Variants in ASPSCR1 observed in about 807,000 individuals in gnomAD.
ASPSCR1 encodes the protein ASPSCR1 tether for SLC2A4, UBX domain containing.
A neutral mutation model predicts 68.9 loss-of-function variants in ASPSCR1; 55 were observed. That is an observed-to-expected ratio of 0.80 (90% CI 0.64 to 1.00). The LOEUF (loss-of-function observed/expected upper bound fraction) is 1.00, where lower values mean the gene tolerates loss of function less well. ASPSCR1 is among the 50% of genes least tolerant of loss of function. The pLI is 0.00. For missense variants in ASPSCR1, 765 were observed against 762.2 expected, an observed-to-expected ratio of 1.00 and a Z score of -0.04; for synonymous variants, 352 against 332.6, an observed-to-expected ratio of 1.06 and a Z score of -0.63.
At chr17:82,009,372 G>C (rs1234521761) in intron 8 of ASPSCR1, 114 bp from the exon 9 acceptor site, 1 of 1,361,938 alleles carries the variant, frequency 7.3e-7, no homozygotes, top group Non-Finnish European at 9.9e-7. Flanking sequence ...TTCCTGCCTT[G>C]TGTGGGGAGA....
Position 82,010,877 on chromosome 17 carries a change from C to T in ASPSCR1, c.1237+9C>T, listed in dbSNP as rs759528295. 1.3e-4 allele frequency: 216 copies of T among 1,611,234 alleles called. 1 individual carries two copies. The South Asian group carries it at 2.1e-3, about 16-fold the overall frequency. ...CCGCCCCAGCGAGACAGGTGGGCAG[C>T]GCTGTGGGGTGTCCGGGGATGGGGG... On this transcript the variant is annotated intron_variant, in intron 10 of 15. Coordinates refer to ENST00000306739, the MANE Select transcript of ASPSCR1 (RefSeq NM_024083.4).
chr17:81,991,717 G>T (rs373021309), intron 4 of ASPSCR1, among the ~76,000 whole-genome samples: 1 of 152,242 alleles, frequency 6.6e-6, no homozygotes, highest in African/African-American at 2.4e-5. Context: ...GGGCTGTCAT[G>T]TGGTGGGTGA....
rs1307898119 is a variant in ASPSCR1 at position 81,990,255 on chromosome 17, G to T, written c.375-4566G>T. 6.6e-6 allele frequency among the ~76,000 whole-genome samples: 1 copy of T among 152,198 alleles called. No individual in the cohort carries two copies. Among genetic ancestry groups the T allele is most frequent in the Non-Finnish European group, 1.5e-5 (1 of 68,032 alleles). ...AGAGTCCTTGAGACCTGCATGTATG[G>T]TGCACTTGGAGCATCTCGGTCTGGG... On this transcript the variant is annotated intron_variant, in intron 4 of 15. Coordinates refer to ENST00000306739, the MANE Select transcript of ASPSCR1 (RefSeq NM_024083.4). This position sits in a 1 kb window ranked among gnomAD's most constrained non-coding sequence, Gnocchi z 4.1.
intron 7 of ASPSCR1, among the ~76,000 whole-genome samples, chr17:82,000,405 G>A (rs947066725): frequency 6.6e-6 from 1 of 152,198 alleles, no homozygotes; most frequent in Admixed American, 6.5e-5. Context: ...TCTGGGACTT[G>A]GGCAGCTGAT....
intron 7 of ASPSCR1, chr17:82,007,761 C>T (rs922715539): frequency 6.6e-5 from 10 of 152,260 alleles, no homozygotes; most frequent in Admixed American, 2.0e-4. Flanking sequence ...GTCTCTCCCC[C>T]GGGAACCCAG....
intron 4 of ASPSCR1, among the ~76,000 whole-genome samples, chr17:81,988,698 T>C (rs2144021008): frequency 6.6e-6 from 1 of 152,168 alleles, no homozygotes; most frequent in East Asian, 1.9e-4. Context: ...TGTGGACATC[T>C]TCCTGAAGGG....
intron 7 of ASPSCR1, chr17:82,004,290 TC>T (rs1192736678): frequency 6.6e-6 from 1 of 152,356 alleles, no homozygotes; most frequent in African/African-American, 2.4e-5. Context: ...CCGGACAGCG[TC>T]CCTGTCCTTA....
intron 7 of ASPSCR1, among the ~76,000 whole-genome samples, chr17:82,003,093 C>T (rs987818034): frequency 2.1e-4 from 32 of 152,024 alleles, no homozygotes; most frequent in African/African-American, 6.8e-4. Flanking sequence ...GGTGGTCTGC[C>T]GGCCTTGGCC....
intron 7 of ASPSCR1, among the ~76,000 whole-genome samples, chr17:82,000,888 C>T (rs182246049): frequency 3.0e-3 from 462 of 152,268 alleles, no homozygotes; most frequent in Middle Eastern, 0.014. Flanking sequence ...GCTGGGACGC[C>T]AGTCCCAGCA....
At chr17:81,996,346 G>A in intron 6 of ASPSCR1, 74 bp from the exon 7 acceptor site, 1 of 1,520,298 alleles carries the variant, frequency 6.6e-7, no homozygotes, top group Non-Finnish European at 8.8e-7. Context: ...GGGAGAGGGT[G>A]AGCCTGGGCC....
intron 6 of ASPSCR1, 142 bp downstream of exon 6, chr17:81,996,207 C>T (rs1435510104): frequency 1.5e-5 from 20 of 1,331,774 alleles, no homozygotes; most frequent in Middle Eastern, 2.1e-4. Flanking sequence ...TGGCCTCTGC[C>T]TGCCTGTGGG....
chr17:82,005,975 C>G (rs2042700617), intron 7 of ASPSCR1: 1 of 152,396 alleles, frequency 6.6e-6, no homozygotes, highest in African/African-American at 2.4e-5. Flanking sequence ...GTCCTTCTCT[C>G]AGCAGATGCT....
At chr17:81,984,887 C>CA (rs1386354317) in intron 3 of ASPSCR1, among the ~76,000 whole-genome samples, 2 of 116,044 alleles carry the variant, frequency 1.7e-5, no homozygotes, top group East Asian at 2.6e-4. Context: ...CACACACCCC[C>CA]CACACACACC....
At chr17:81,996,105 TAA>T (rs374754411) in intron 6 of ASPSCR1, 40 bp downstream of exon 6, 22 of 1,222,644 alleles carry the variant, frequency 1.8e-5, no homozygotes, top group South Asian at 8.2e-5. Context: ...TCTATTTAGC[TAA>T]AAAAAAAAGT....
intron 2 of ASPSCR1, among the ~76,000 whole-genome samples, chr17:81,979,594 C>T (rs1156547860): frequency 6.6e-6 from 1 of 152,212 alleles, no homozygotes; most frequent in Non-Finnish European, 1.5e-5. Context: ...ATCATTACAT[C>T]TTCAAAGACC....
chr17:81,978,870 A>G (rs558591448), intron 1 of ASPSCR1: 5 of 444,192 alleles, frequency 1.1e-5, no homozygotes, highest in Middle Eastern at 6.3e-4. Flanking sequence ...AGGTTGCAGA[A>G]CTACAGGGTT....
At chr17:81,997,469 T>C (rs1013366726) in intron 7 of ASPSCR1, among the ~76,000 whole-genome samples, 3 of 150,196 alleles carry the variant, frequency 2.0e-5, no homozygotes, top group South Asian at 4.2e-4. Context: ...CTCAGGCAAA[T>C]GATTTTTTTT....
At chr17:81,998,116 C>T (rs1276443092) in intron 7 of ASPSCR1, among the ~76,000 whole-genome samples, 1 of 152,168 alleles carries the variant, frequency 6.6e-6, no homozygotes, top group Non-Finnish European at 1.5e-5. Context: ...CTTGAGCCAC[C>T]GCGCCCAGCC....
intron 2 of ASPSCR1, among the ~76,000 whole-genome samples, chr17:81,981,567 C>T (rs747567869): frequency 3.9e-5 from 6 of 152,038 alleles, no homozygotes; most frequent in East Asian, 1.9e-4. Flanking sequence ...TTAGTAGGGA[C>T]GGGGTTTCAC....
Sources: allele counts gnomAD v4.1 joint callset (sites outside exome capture counted in the v4.1 genomes callset), GRCh38; gene constraint gnomAD v4.1.1; non-coding constraint Gnocchi (gnomAD v3.1); transcripts MANE v1.5; gene names NCBI Gene and HGNC (gene_info 2026-07-23, HGNC 2026-07-21).